Variants in ROR2 observed in about 807,000 individuals in gnomAD.
ROR2 encodes the protein tyrosine-protein kinase transmembrane receptor ROR2.
Under a neutral mutation model 74.9 loss-of-function variants are expected in ROR2, and 33 were observed. The ratio of observed to expected loss-of-function variants is 0.44; its 90% CI spans 0.33 to 0.59. The LOEUF (loss-of-function observed/expected upper bound fraction) is 0.59, where lower values mean the gene tolerates loss of function less well. Among genes scored for constraint, ROR2 ranks in the 20% least tolerant of loss-of-function variants. The probability of loss-of-function intolerance (pLI) is 0.02; values close to 1 mark genes in which losing one functional copy is unlikely to be tolerated. For synonymous variants in ROR2, 586 were observed against 558.7 expected, an observed-to-expected ratio of 1.05 and a Z score of -0.69; for missense variants, 1,216 against 1,313.8, an observed-to-expected ratio of 0.93 and a Z score of 1.15.
chr9:91,850,580 G>A (rs1402605489), intron 1 of ROR2, among the ~76,000 whole-genome samples: 1 of 152,194 alleles, frequency 6.6e-6, no homozygotes, highest in Non-Finnish European at 1.5e-5. Context: ...GAGAAGGCCA[G>A]GAAATGGGAA....
intron 1 of ROR2, among the ~76,000 whole-genome samples, chr9:91,837,069 T>G (rs1275355433): frequency 2.0e-5 from 3 of 152,134 alleles, no homozygotes; most frequent in African/African-American, 7.2e-5. Context: ...GAAAACAACT[T>G]TAAAAGTTCA....
chr9:91,876,751 T>C (rs1298630374), intron 1 of ROR2, among the ~76,000 whole-genome samples: 1 of 151,824 alleles, frequency 6.6e-6, no homozygotes, highest in African/African-American at 2.4e-5. Flanking sequence ...AAAATAGGAT[T>C]CCAACATTAA....
intron 2 of ROR2, among the ~76,000 whole-genome samples, chr9:91,762,299 G>C (rs1188898728): frequency 1.3e-5 from 2 of 152,144 alleles, no homozygotes; most frequent in African/African-American, 4.8e-5. Flanking sequence ...AGTTTTTAAA[G>C]ATCTTGCCAC....
chr9:91,812,068 A>AAC (rs994581754), intron 1 of ROR2, among the ~76,000 whole-genome samples: 173 of 152,086 alleles, frequency 1.1e-3, no homozygotes, highest in African/African-American at 4.0e-3. Context: ...ATGCAAAAAA[A>AAC]AAAAAAAAAT....
chr9:91,769,876 G>T (rs913035964), intron 2 of ROR2, among the ~76,000 whole-genome samples: 2 of 152,142 alleles, frequency 1.3e-5, no homozygotes, highest in South Asian at 4.1e-4. Flanking sequence ...CCTCATACTG[G>T]GACGTTTTCA....
chr9:91,764,262 C>A (rs1852845313), intron 2 of ROR2, among the ~76,000 whole-genome samples: 1 of 152,094 alleles, frequency 6.6e-6, no homozygotes. Flanking sequence ...CTACTTTTAT[C>A]TTTTTAATAT....
rs548677149 is a variant in ROR2, at chr9:91,791,755, C to T, written c.98-15937G>A. On this transcript the variant is annotated intron_variant, in intron 1 of 8. Coordinates refer to ENST00000375708, the MANE Select transcript of ROR2 (RefSeq NM_004560.4). ...CTAGATACAACACGAACAGAACACTCGACCCAAGTGCAGAATGTATGTTTT... is the reference window on the plus strand; with the variant it reads ...CTAGATACAACACGAACAGAACACTTGACCCAAGTGCAGAATGTATGTTTT... 3.3e-5 allele frequency among the ~76,000 whole-genome samples: 5 copies of T among 149,334 alleles called. No homozygotes were observed. In the East Asian group the frequency reaches 1.1e-3, roughly 32 times the overall value.
chr9:91,903,911 C>A (rs1362916765), intron 1 of ROR2, among the ~76,000 whole-genome samples: 2 of 152,198 alleles, frequency 1.3e-5, no homozygotes, highest in African/African-American at 2.4e-5. Flanking sequence ...AAAATACAGT[C>A]AGTGAACAGC....
chr9:91,936,092 C>A (rs1251754436), intron 1 of ROR2, among the ~76,000 whole-genome samples: 3 of 152,248 alleles, frequency 2.0e-5, no homozygotes, highest in Non-Finnish European at 4.4e-5. Context: ...ACCACCACTA[C>A]CCCACTTCCC....
intron 1 of ROR2, among the ~76,000 whole-genome samples, chr9:91,785,476 A>G (rs1826766736): frequency 6.6e-6 from 1 of 152,262 alleles, no homozygotes; most frequent in Non-Finnish European, 1.5e-5. Context: ...TCCAGAGTCT[A>G]GGTGATGGTG....
Position 91,733,201 on chromosome 9 carries a change from A to C in ROR2, c.858T>G (p.Cys286Trp), listed in dbSNP as rs747437994. ...GGCTCTCAGGCATGGGCAGCGCCTC[A>C]CACTTGGGCAGCTGAAGCCGCATGA... ...LILMRLQLPKCEALPMPESPD... is the reference protein window; with the variant it reads ...LILMRLQLPKWEALPMPESPD... Residue 286 changes from cysteine (C) to tryptophan (W), a missense_variant, in exon 6 of 9, where the codon TGT (cysteine) becomes TGG (tryptophan). Cys to Trp is a radical substitution (Grantham distance 215). Coordinates refer to ENST00000375708, the MANE Select transcript of ROR2 (RefSeq NM_004560.4). This position sits in a 1 kb window ranked among gnomAD's most constrained non-coding sequence, Gnocchi z 5.7. 2.5e-6 allele frequency: 4 copies of C among 1,611,520 alleles called. No individual in the cohort carries two copies. The highest frequency in any genetic ancestry group is 3.4e-6 in the Non-Finnish European group (4 of 1,179,396).
At chr9:91,816,177 CT>C (rs1488029346) in intron 1 of ROR2, among the ~76,000 whole-genome samples, 1 of 152,200 alleles carries the variant, frequency 6.6e-6, no homozygotes, top group African/African-American at 2.4e-5. Flanking sequence ...TGGGCCTGCC[CT>C]CACGGTAGCC....
chr9:91,824,629 T>C (rs973071594), intron 1 of ROR2, among the ~76,000 whole-genome samples: 1 of 152,170 alleles, frequency 6.6e-6, no homozygotes, highest in Non-Finnish European at 1.5e-5. Flanking sequence ...ACACCAAAAA[T>C]GTTCCCAGCA....
chr9:91,757,686 G>A (rs1825804073), intron 2 of ROR2, 127 bp from the exon 3 acceptor site: 1 of 940,488 alleles, frequency 1.1e-6, no homozygotes, highest in South Asian at 1.5e-5. Context: ...AAAATAGGTT[G>A]TTATCTGCGG....
Position 91,724,727 on chromosome 9 carries a change from G to A in ROR2, c.1767C>T (p.Pro589=), listed in dbSNP as rs1425867804. 1.2e-6 allele frequency: 2 copies of A among 1,614,158 alleles called. No individual in the cohort carries two copies. The highest frequency in any genetic ancestry group is 2.7e-5 in the African/African-American group (2 of 75,054). ...GTGCCACAAGGTGCACGAAGTCGGG[G>A]GGCTCCAGGGCGGACTTCACCGTGC... ...DDRTVKSALE[P]PDFVHLVAQI... Residue 589 remains proline (P), a synonymous_variant, in exon 9 of 9, where the codon CCC becomes CCT. Coordinates refer to ENST00000375708, the MANE Select transcript of ROR2 (RefSeq NM_004560.4).
intron 1 of ROR2, among the ~76,000 whole-genome samples, chr9:91,909,852 T>TTTTTTTTTTG (rs1830923019): frequency 9.0e-6 from 1 of 111,528 alleles, no homozygotes; most frequent in Non-Finnish European, 1.7e-5. Context: ...GTTTTGTTTT[T>TTTTTTTTTTG]TTTTTTTTTT....
At chr9:91,851,731 C>G (rs1223292954) in intron 1 of ROR2, among the ~76,000 whole-genome samples, 1 of 152,106 alleles carries the variant, frequency 6.6e-6, no homozygotes, top group African/African-American at 2.4e-5. Context: ...AATCCCAGCA[C>G]TTTGGGAGGC....
At chr9:91,890,943 CAT>C (rs1036460204) in intron 1 of ROR2, among the ~76,000 whole-genome samples, 4 of 152,166 alleles carry the variant, frequency 2.6e-5, no homozygotes, top group Non-Finnish European at 2.9e-5. Flanking sequence ...AAAATGCCCT[CAT>C]GTGGATTTTT....
chr9:91,747,622 T>G (rs1232587328), intron 4 of ROR2, among the ~76,000 whole-genome samples: 4 of 152,140 alleles, frequency 2.6e-5, no homozygotes, highest in Admixed American at 2.6e-4. Context: ...CCAAAAGAGG[T>G]GTCACTGATT....
Sources: allele counts gnomAD v4.1 joint callset (sites outside exome capture counted in the v4.1 genomes callset), GRCh38; gene constraint gnomAD v4.1.1; non-coding constraint Gnocchi (gnomAD v3.1); transcripts MANE v1.5; gene names NCBI Gene and HGNC (gene_info 2026-07-23, HGNC 2026-07-21).